Variants in GRK3 observed in about 807,000 individuals in gnomAD.
GRK3 encodes G protein-coupled receptor kinase 3, also known as adrenergic, beta, receptor kinase 2.
Under a neutral mutation model 95.7 loss-of-function variants are expected in GRK3, and 54 were observed. That is an observed-to-expected ratio of 0.56 (90% CI 0.45 to 0.71). The LOEUF (loss-of-function observed/expected upper bound fraction) is 0.71. Ranked by LOEUF, GRK3 falls within the 30% of genes least tolerant of loss-of-function variation. GRK3 has a pLI of 0.00. For synonymous variants in GRK3, 281 were observed against 290.8 expected (o/e 0.97, Z 0.34); for missense variants, 649 against 851.2 (o/e 0.76, Z 2.96).
chr22:25,674,519 C>G lies in GRK3; in HGVS notation c.638C>G (p.Thr213Ser). The G allele has an allele frequency of 6.2e-7, 1 of 1,611,786 alleles. No homozygotes were observed. The highest frequency in any genetic ancestry group is 1.1e-5 in the South Asian group (1 of 91,024). ...GEVYGCRKADTGKMYAMKCLD... is the reference protein window; with the variant it reads ...GEVYGCRKADSGKMYAMKCLD... ...GTTTATGGTTGCAGGAAAGCAGACA[C>G]TGGAAAAATGTAAGCTTTCAATGCT... Residue 213 changes from threonine to serine, a missense_variant, in exon 8 of 21, where the codon ACT becomes AGT. This residue lies in a region of GRK3 where 61 missense variants were observed against 126.0 expected (regional missense o/e 0.48). Coordinates refer to ENST00000324198, the MANE Select transcript of GRK3 (RefSeq NM_005160.4).
chr22:25,659,358 G>T (rs2084895006), intron 3 of GRK3, among the ~76,000 whole-genome samples: 1 of 152,192 alleles, frequency 6.6e-6, no homozygotes, highest in Admixed American at 6.5e-5. Flanking sequence ...TCACTACAAT[G>T]GTGGTGGAAC....
At chr22:25,688,309 G>A (rs897405793) in intron 11 of GRK3, among the ~76,000 whole-genome samples, 1 of 151,306 alleles carries the variant, frequency 6.6e-6, no homozygotes, top group Non-Finnish European at 1.5e-5. Context: ...TTATAATTCA[G>A]CTAATGTTCA....
At chr22:25,594,353 A>G (rs1331030354) in intron 1 of GRK3, among the ~76,000 whole-genome samples, 2 of 152,166 alleles carry the variant, frequency 1.3e-5, no homozygotes, top group Non-Finnish European at 2.9e-5. Context: ...CTCATTCTGC[A>G]AAGCCAGTAT....
In GRK3 at chr22:25,678,743, G is replaced by A. The variant is rs2085051973; in HGVS notation, c.648-73G>A. The A allele has an allele frequency of 3.6e-6, 3 of 835,824 alleles. No homozygotes were observed. In the East Asian group the frequency reaches 8.4e-5, roughly 24 times the overall value. The allele number at this position is 835,824 out of a possible 1,614,324, so 51.8% of individuals were successfully genotyped here. A position where few individuals can be genotyped will look rare whatever the true frequency, so the allele number is the denominator to read the frequency against. On this transcript the variant is annotated intron_variant, in intron 8 of 20. Transcript: ENST00000324198. ...CCTAAATGTTCAGAAACTTGCCCCA[G>A]AGTGACATATATTGTTTAAATTAGT...
intron 12 of GRK3, 36 bp downstream of exon 12, chr22:25,690,319 C>A (rs2085155371): frequency 6.8e-7 from 1 of 1,472,048 alleles, no homozygotes; most frequent in Non-Finnish European, 9.5e-7. Flanking sequence ...ACCACCATTT[C>A]TCTCCTGCCC....
At chr22:25,636,825 C>G (rs2084705386) in intron 2 of GRK3, among the ~76,000 whole-genome samples, 1 of 152,062 alleles carries the variant, frequency 6.6e-6, no homozygotes, top group Non-Finnish European at 1.5e-5. Context: ...TTCTTTGTAT[C>G]TGGCAACTTT....
chr22:25,703,605 C>T (rs2085275214), intron 14 of GRK3, 29 bp downstream of exon 14: 1 of 1,499,862 alleles, frequency 6.7e-7, no homozygotes, highest in Non-Finnish European at 9.3e-7. Context: ...GTATTCTTGT[C>T]TGTATGGTAA....
At chr22:25,659,479 A>G (rs1253865234) in intron 3 of GRK3, among the ~76,000 whole-genome samples, 1 of 152,202 alleles carries the variant, frequency 6.6e-6, no homozygotes, top group Non-Finnish European at 1.5e-5. Flanking sequence ...GTAACCACCA[A>G]AGCAGAAAGG....
At chr22:25,645,616 G>T (rs1308088228) in intron 3 of GRK3, among the ~76,000 whole-genome samples, 1 of 152,132 alleles carries the variant, frequency 6.6e-6, no homozygotes, top group African/African-American at 2.4e-5. Flanking sequence ...CATAGACGGC[G>T]TGCCTTAGAA....
intron 1 of GRK3, among the ~76,000 whole-genome samples, chr22:25,566,045 T>A (rs1931467389): frequency 6.6e-6 from 1 of 152,226 alleles, no homozygotes; most frequent in Non-Finnish European, 1.5e-5. Flanking sequence ...TTCTAGTTCA[T>A]ATCATTAGCA....
At chr22:25,715,343 A>G (rs151021306) in intron 18 of GRK3, among the ~76,000 whole-genome samples, 180 of 152,232 alleles carry the variant, frequency 1.2e-3, no homozygotes, top group African/African-American at 2.6e-3. Flanking sequence ...GTGAAACCCC[A>G]TCTCTACAAA....
At chr22:25,696,577 A>G (rs543338642) in intron 13 of GRK3, among the ~76,000 whole-genome samples, 2 of 152,258 alleles carry the variant, frequency 1.3e-5, no homozygotes, top group East Asian at 1.9e-4. Context: ...CCTAGTTAAG[A>G]TTTTCCTTTT....
Sources: gnomAD v4.1 joint callset for allele counts (sites outside exome capture counted in the v4.1 genomes callset) on GRCh38, gnomAD v4.1.1 for gene constraint, gnomAD v4.1.1 regional missense constraint, MANE v1.5 for transcripts, NCBI Gene and HGNC (gene_info 2026-07-23, HGNC 2026-07-21) for gene names.